Variants in TRHDE observed in about 807,000 individuals in gnomAD.
TRHDE encodes thyrotropin-releasing hormone-degrading ectoenzyme.
TRHDE carries 72 observed loss-of-function variants against 125.7 expected under a neutral mutation model. The observed-to-expected ratio is 0.57, with a 90% CI of 0.47 to 0.70. The LOEUF is 0.70. Among genes scored for constraint, TRHDE ranks in the 30% least tolerant of loss-of-function variants. The probability of loss-of-function intolerance (pLI) is 0.00; values close to 1 mark genes in which losing one functional copy is unlikely to be tolerated. For missense variants in TRHDE, 1,110 were observed against 1,327.1 expected, an observed-to-expected ratio of 0.84 and a Z score of 2.54; for synonymous variants, 509 against 509.1, an observed-to-expected ratio of 1.00 and a Z score of 0.00.
intron 3 of TRHDE, among the ~76,000 whole-genome samples, chr12:72,422,944 C>T (rs866227608): frequency 3.9e-5 from 6 of 152,102 alleles, no homozygotes; most frequent in African/African-American, 1.4e-4. Context: ...GCCTCCAGAA[C>T]TGTCAACCAA....
intron 15 of TRHDE, among the ~76,000 whole-genome samples, chr12:72,628,325 G>A (rs940301639): frequency 9.2e-5 from 14 of 151,778 alleles, no homozygotes; most frequent in African/African-American, 3.1e-4. Context: ...ACTGAACTGG[G>A]GTCTACAGGA....
At chr12:72,237,804 G>A (rs7294670) in intron 2 of TRHDE, among the ~76,000 whole-genome samples, 67,513 of 151,836 alleles carry the variant, frequency 0.44, 16,994 homozygotes, top group African/African-American at 0.68. Context: ...TAGCAGTGCA[G>A]AAACAGACTA....
chr12:72,482,468 A>G (rs773588813), intron 5 of TRHDE, among the ~76,000 whole-genome samples: 3 of 151,936 alleles, frequency 2.0e-5, no homozygotes, highest in Non-Finnish European at 4.4e-5. Flanking sequence ...TTTATATTAC[A>G]TGGCTTAAAC....
intron 2 of TRHDE, among the ~76,000 whole-genome samples, chr12:72,360,867 A>G (rs1871041158): frequency 6.6e-6 from 1 of 151,746 alleles, no homozygotes; most frequent in Non-Finnish European, 1.5e-5. Context: ...TGTGCAGGAT[A>G]TGGAGGTTTG....
At chr12:72,424,786 C>T (rs537678233) in intron 3 of TRHDE, among the ~76,000 whole-genome samples, 1 of 152,172 alleles carries the variant, frequency 6.6e-6, no homozygotes, top group Non-Finnish European at 1.5e-5. Context: ...GGGGAAGAAG[C>T]AATTTATTCT....
chr12:72,618,790 T>C (rs1872923793), intron 12 of TRHDE, 101 bp from the exon 13 acceptor site: 1 of 959,288 alleles, frequency 1.0e-6, no homozygotes, highest in African/African-American at 1.7e-5. Context: ...GAATATGCTT[T>C]CTTTATACTA....
At chr12:72,269,926 C>G (rs765926586), upstream of TRHDE, among the ~76,000 whole-genome samples, 1 of 152,182 alleles carries the variant, frequency 6.6e-6, no homozygotes, top group Non-Finnish European at 1.5e-5. Context: ...TGGGTAACCT[C>G]TTCCTTTAGG....
chr12:72,443,073 T>C (rs1201407592), intron 3 of TRHDE, among the ~76,000 whole-genome samples: 2 of 151,822 alleles, frequency 1.3e-5, no homozygotes, highest in Non-Finnish European at 2.9e-5. Flanking sequence ...TGTAAAGTCC[T>C]CCACGATTTG....
intron 2 of TRHDE, among the ~76,000 whole-genome samples, chr12:72,290,046 A>G (rs184690562): frequency 1.6e-4 from 25 of 152,350 alleles, no homozygotes; most frequent in Admixed American, 9.8e-4. Context: ...TTACGTATTC[A>G]CGAATTGCTT....
intron 3 of TRHDE, among the ~76,000 whole-genome samples, chr12:72,460,850 A>G (rs980238454): frequency 4.6e-5 from 7 of 152,160 alleles, no homozygotes; most frequent in South Asian, 2.1e-4. Flanking sequence ...TTTAAAAATT[A>G]AAGGGGTGAG....
chr12:72,520,929 A>G (rs947363000), intron 6 of TRHDE, among the ~76,000 whole-genome samples: 8 of 152,206 alleles, frequency 5.3e-5, no homozygotes, highest in African/African-American at 1.9e-4. Flanking sequence ...AGTGTTAGCT[A>G]TGTTCCCAGA....
At chr12:72,556,137 T>C (rs983053455) in intron 7 of TRHDE, among the ~76,000 whole-genome samples, 8 of 152,216 alleles carry the variant, frequency 5.3e-5, no homozygotes, top group African/African-American at 1.9e-4. Flanking sequence ...GCCTAACTGA[T>C]GTACTAAATA....
chr12:72,383,270 CT>C (rs551392329), intron 3 of TRHDE, among the ~76,000 whole-genome samples: 22 of 150,752 alleles, frequency 1.5e-4, no homozygotes, highest in Non-Finnish European at 2.8e-4. Flanking sequence ...GAATTGTTAT[CT>C]TTTTTTATAT....
chr12:72,216,626 A>C (rs937496153), intron 2 of TRHDE, among the ~76,000 whole-genome samples: 1 of 152,202 alleles, frequency 6.6e-6, no homozygotes, highest in African/African-American at 2.4e-5. Flanking sequence ...TTTTAAGGGA[A>C]AACACAGAAC....
intron 3 of TRHDE, among the ~76,000 whole-genome samples, chr12:72,435,350 T>C (rs933794582): frequency 6.6e-6 from 1 of 152,158 alleles, no homozygotes; most frequent in Non-Finnish European, 1.5e-5. Flanking sequence ...TAGGGACTGA[T>C]GTCTTTTGAT....
In TRHDE at chr12:72,662,368, G is replaced by A. The variant is rs115727547; in HGVS notation, c.3067-684G>A. 6.3e-3 allele frequency among the ~76,000 whole-genome samples: 961 copies of A among 152,194 alleles called. 15 individuals carry two copies. Among genetic ancestry groups the A allele is most frequent in the African/African-American group, 0.022 (909 of 41,546 alleles). ...GTGAACTCTCCAAATAAAATTTTAT[G>A]TCAAAAAATATGGCAAAACATTTAA... On this transcript the variant is annotated intron_variant, in intron 18 of 18. Coordinates refer to ENST00000261180, the MANE Select transcript of TRHDE (RefSeq NM_013381.3).
At chr12:72,143,869 C>A (rs1876170194) in intron 2 of TRHDE, among the ~76,000 whole-genome samples, 1 of 152,174 alleles carries the variant, frequency 6.6e-6, no homozygotes, top group South Asian at 2.1e-4. Flanking sequence ...CAACACCATG[C>A]CCCAAATACG....
At chr12:72,310,044 CT>C (rs1457342347) in intron 2 of TRHDE, among the ~76,000 whole-genome samples, 1 of 152,200 alleles carries the variant, frequency 6.6e-6, no homozygotes, top group Admixed American at 6.5e-5. Context: ...ATTGGTGAGA[CT>C]GGGCCGTATG....
At chr12:72,458,942 T>C (rs2135882349) in intron 3 of TRHDE, among the ~76,000 whole-genome samples, 1 of 152,314 alleles carries the variant, frequency 6.6e-6, no homozygotes, top group African/African-American at 2.4e-5. Context: ...AGTTCCCTAT[T>C]GATGCGATAA....
Sources: allele counts gnomAD v4.1 joint callset (sites outside exome capture counted in the v4.1 genomes callset), GRCh38; gene constraint gnomAD v4.1.1; transcripts MANE v1.5; gene names NCBI Gene and HGNC (gene_info 2026-07-23, HGNC 2026-07-21).